The following ERO1A variants were observed in gnomAD, a reference collection of about 807,000 sequenced individuals.
The protein encoded by ERO1A is endoplasmic reticulum oxidoreductase 1 alpha, also known as ERO1-like protein alpha.
In ERO1A, 49 loss-of-function variants were observed where a neutral mutation model predicts 76.9. The observed-to-expected ratio is 0.64, with a 90% CI of 0.51 to 0.81. The LOEUF (loss-of-function observed/expected upper bound fraction) is 0.81. Ranked by LOEUF, ERO1A falls within the 30% of genes least tolerant of loss-of-function variation. The pLI is 0.00. For synonymous variants in ERO1A, 174 were observed against 181.2 expected (o/e 0.96, Z 0.32); for missense variants, 448 against 542.1 (o/e 0.83, Z 1.72).
chr14:52,653,113 A>G lies in ERO1A; in HGVS notation c.1011T>C (p.Asp337=), dbSNP rs780342547. 5.5e-5 allele frequency: 87 copies of G among 1,592,824 alleles called. No homozygotes were observed. The South Asian group carries it at 9.3e-4, about 17-fold the overall frequency. ...CCAGAAGTAACATTTTGTTTTCCTC[A>G]TCCTGAATTTTATTTCCAGTAAAGA... is the stretch of plus-strand genomic sequence containing the variant. The part of the protein sequence containing the change: ...FQLFTGNKIQ[D]EENKMLLLEI... Residue 337 remains aspartate, a synonymous_variant, in exon 12 of 16, where the codon GAT becomes GAC. Transcript: ENST00000395686.
chr14:52,676,361 T>C (rs1043727038), intron 4 of ERO1A, among the ~76,000 whole-genome samples: 2 of 152,196 alleles, frequency 1.3e-5, no homozygotes, highest in African/African-American at 4.8e-5. Flanking sequence ...GGTTTCTATT[T>C]ATTTACCATG....
intron 6 of ERO1A, 57 bp from the exon 7 acceptor site, chr14:52,666,552 A>G (rs565857820): frequency 3.9e-4 from 549 of 1,418,790 alleles, no homozygotes; most frequent in Non-Finnish European, 4.8e-4. Context: ...TTAAAAAGCT[A>G]CTACACAAGA....
In ERO1A at chr14:52,643,572, A is replaced by C. The variant is rs2039545849; in HGVS notation, c.1405T>G (p.Ter469GluextTer24). ...AGGCACATATCAGCTTGTTTTCTTT[A>C]ATGAATATTCTGTAACAAGTTCCTG... The part of the protein sequence containing the change: ...NFRNLLQNIH[*>E] Residue 469 changes from the stop codon to glutamate (E), a stop_lost, in exon 16 of 16, where the codon TAA becomes GAA. Coordinates refer to ENST00000395686, the MANE Select transcript of ERO1A (RefSeq NM_014584.3). The C allele has an allele frequency of 6.8e-7, 1 of 1,480,372 alleles. No homozygotes were observed. Among genetic ancestry groups the C allele is most frequent in the Non-Finnish European group, 8.9e-7 (1 of 1,119,872 alleles). The allele number at this position is 1,480,372 out of a possible 1,614,324, so 91.7% of individuals were successfully genotyped here. A position where few individuals can be genotyped will look rare whatever the true frequency, so the allele number is the denominator to read the frequency against.
chr14:52,647,779 C>T (rs890682571), intron 13 of ERO1A, among the ~76,000 whole-genome samples: 4 of 152,108 alleles, frequency 2.6e-5, no homozygotes, highest in African/African-American at 9.7e-5. Context: ...GAATCTCAAG[C>T]TTACAGTATT....
Position 52,695,397 on chromosome 14 carries a change from C to G in ERO1A, c.85G>C (p.Glu29Gln). The G allele has an allele frequency of 6.5e-7, 1 of 1,535,440 alleles. No individual in the cohort carries two copies. Among genetic ancestry groups the G allele is most frequent in the Non-Finnish European group, 8.8e-7 (1 of 1,139,654 alleles). ...CAGAAGCACCTCTGTGCCGCTGTCTCCGGGGGCTGCTCCTCTCCGTGGCCC... is the reference window on the plus strand; with the variant it reads ...CAGAAGCACCTCTGTGCCGCTGTCTGCGGGGGCTGCTCCTCTCCGTGGCCC... Reference protein sequence around the residue: ...SSGHGEEQPPETAAQRCFCQV... With the variant: ...SSGHGEEQPPQTAAQRCFCQV... Residue 29 changes from glutamate (E) to glutamine (Q), a missense_variant, in exon 1 of 16, where the codon GAG becomes CAG. By Grantham distance (29) the Glu-to-Gln change is conservative. Transcript: ENST00000395686.
chr14:52,658,184 GA>G (rs775352345), intron 9 of ERO1A, 34 bp from the exon 10 acceptor site: 2 of 1,419,050 alleles, frequency 1.4e-6, no homozygotes, highest in South Asian at 2.5e-5. Context: ...CATAAGAATA[GA>G]AAAATGCCAA....
At chr14:52,647,033 G>A (rs1190916197) in intron 13 of ERO1A, 1 of 142,320 alleles carries the variant, frequency 7.0e-6, no homozygotes, top group African/African-American at 2.6e-5. Flanking sequence ...CTGGAGTGCA[G>A]TGGGGGAATC....
At chr14:52,690,083 A>C (rs1448493296) in intron 1 of ERO1A, among the ~76,000 whole-genome samples, 18 of 152,204 alleles carry the variant, frequency 1.2e-4, no homozygotes. Flanking sequence ...AAAAAAATGA[A>C]ATTGGATCTT....
At chr14:52,650,580 G>C (rs1449735707) in intron 13 of ERO1A, among the ~76,000 whole-genome samples, 1 of 151,240 alleles carries the variant, frequency 6.6e-6, no homozygotes, top group Non-Finnish European at 1.5e-5. Context: ...ATAATTTCAT[G>C]TGTGTGTGTA....
intron 8 of ERO1A, among the ~76,000 whole-genome samples, chr14:52,662,480 T>C (rs1360266578): frequency 6.6e-6 from 1 of 152,190 alleles, no homozygotes; most frequent in African/African-American, 2.4e-5. Flanking sequence ...TTCAAATAAA[T>C]TTTTAAAATG....
chr14:52,666,706 G>A (rs763509946), intron 6 of ERO1A, among the ~76,000 whole-genome samples: 4 of 152,194 alleles, frequency 2.6e-5, no homozygotes, highest in Non-Finnish European at 5.9e-5. Flanking sequence ...CAAGGTGGGC[G>A]GATCACTTGA....
At chr14:52,663,286 C>T (rs1450961816) in intron 8 of ERO1A, among the ~76,000 whole-genome samples, 2 of 151,746 alleles carry the variant, frequency 1.3e-5, no homozygotes, top group East Asian at 3.9e-4. Context: ...TAATCTAATA[C>T]CAGGAACTTC....
Position 52,681,500 on chromosome 14 carries a change from G to C in ERO1A, c.318+825C>G, listed in dbSNP as rs12588762. On this transcript the variant is annotated intron_variant, in intron 3 of 15. Transcript: ENST00000395686. ...CACCTGTAATCCCAGCTACTTGGGA[G>C]GCTGGGGCAGGAGAATCGCTTGAAC... 2.1e-3 allele frequency among the ~76,000 whole-genome samples: 326 copies of C among 152,224 alleles called. 4 individuals carry two copies. The highest frequency in any genetic ancestry group is 0.021 in the East Asian group (110 of 5,176).
intron 4 of ERO1A, among the ~76,000 whole-genome samples, chr14:52,675,835 A>G (rs72684270): frequency 6.6e-6 from 1 of 152,124 alleles, no homozygotes; most frequent in Non-Finnish European, 1.5e-5. Context: ...TATTTTGAGA[A>G]CAGGCATGTG....
At chr14:52,658,509 G>A in intron 9 of ERO1A, 1 of 177,588 alleles carries the variant, frequency 5.6e-6, no homozygotes, top group Non-Finnish European at 1.2e-5. Flanking sequence ...TGAAAACTAA[G>A]GATTCATTAC....
chr14:52,680,365 T>C (rs1056323088), intron 3 of ERO1A, among the ~76,000 whole-genome samples: 33 of 152,194 alleles, frequency 2.2e-4, no homozygotes, highest in African/African-American at 7.2e-4. Context: ...CAATAAGCTA[T>C]TATTTTATGC....
intron 13 of ERO1A, among the ~76,000 whole-genome samples, chr14:52,649,268 T>C (rs1327830755): frequency 6.6e-6 from 1 of 152,206 alleles, no homozygotes; most frequent in Non-Finnish European, 1.5e-5. Context: ...TGAGATCGTA[T>C]TCTATTTGAA....
Position 52,642,047 on chromosome 14 carries a change from T to C in ERO1A, c.*1523A>G, listed in dbSNP as rs997657691. On this transcript the variant is annotated 3_prime_UTR_variant, in exon 16 of 16. Transcript: ENST00000395686. ...ACTAATGTGACATTTCAACATGTTATACCTGATAAGACATATGTAAAGAGG... is the reference window on the plus strand; with the variant it reads ...ACTAATGTGACATTTCAACATGTTACACCTGATAAGACATATGTAAAGAGG... The C allele has an allele frequency of 2.6e-5, 4 of 152,230 alleles. No homozygotes were observed. The highest frequency in any genetic ancestry group is 5.9e-5 in the Non-Finnish European group (4 of 68,040). 9.4% of individuals were successfully genotyped at this position (152,230 alleles called of 1,614,324 possible).
Position 52,652,149 on chromosome 14 carries a change from G to A in ERO1A, c.1125+90C>T, listed in dbSNP as rs535613618. 92 of 787,806 alleles carry A rather than the reference G, an allele frequency of 1.2e-4. No homozygotes were observed. The African/African-American group carries it at 1.5e-3, about 13-fold the overall frequency. 48.8% of individuals were successfully genotyped at this position (787,806 alleles called of 1,614,324 possible). A position where few individuals can be genotyped will look rare whatever the true frequency, so the allele number is the denominator to read the frequency against. On this transcript the variant is annotated intron_variant, in intron 13 of 15. Coordinates refer to ENST00000395686, the MANE Select transcript of ERO1A (RefSeq NM_014584.3). ...CCCTGGCCTACTCTCTACTTCTATG[G>A]CCTACTCTCTACTTCTATGAGTACT...
Sources: allele counts gnomAD v4.1 joint callset (sites outside exome capture counted in the v4.1 genomes callset), GRCh38; gene constraint gnomAD v4.1.1; transcripts MANE v1.5; gene names NCBI Gene and HGNC (gene_info 2026-07-23, HGNC 2026-07-21).